The following NKAIN2 variants were observed in gnomAD, a reference collection of about 807,000 sequenced individuals.
NKAIN2 encodes sodium/potassium-transporting ATPase subunit beta-1-interacting protein 2.
Under a neutral mutation model 32.6 loss-of-function variants are expected in NKAIN2, and 14 were observed. The ratio of observed to expected loss-of-function variants is 0.43; its 90% CI spans 0.28 to 0.67. The LOEUF (loss-of-function observed/expected upper bound fraction) is 0.67, where lower values mean the gene tolerates loss of function less well. Ranked by LOEUF, NKAIN2 falls within the 30% of genes least tolerant of loss-of-function variation. The pLI is 0.17. For missense variants in NKAIN2, 198 were observed against 258.3 expected (o/e 0.77, Z 1.60); for synonymous variants, 80 against 87.2 (o/e 0.92, Z 0.46).
At chr6:124,741,806 C>T (rs1025276924) in intron 4 of NKAIN2, among the ~76,000 whole-genome samples, 21 of 151,818 alleles carry the variant, frequency 1.4e-4, no homozygotes, top group African/African-American at 4.8e-4. Flanking sequence ...TCATGGGTTT[C>T]AATGTGTAAG....
intron 1 of NKAIN2, among the ~76,000 whole-genome samples, chr6:124,157,533 AC>A (rs1788054618): frequency 6.6e-6 from 1 of 152,028 alleles, no homozygotes; most frequent in Non-Finnish European, 1.5e-5. Flanking sequence ...AAATTAAAAA[AC>A]CTCAACCTCT....
chr6:124,462,981 A>C (rs1200934035), intron 3 of NKAIN2, among the ~76,000 whole-genome samples: 1 of 152,226 alleles, frequency 6.6e-6, no homozygotes, highest in Non-Finnish European at 1.5e-5. Flanking sequence ...CTGAAATGTG[A>C]GAAAATAAAG....
chr6:124,131,996 G>T (rs1365005563), intron 1 of NKAIN2, among the ~76,000 whole-genome samples: 1 of 152,178 alleles, frequency 6.6e-6, no homozygotes, highest in Non-Finnish European at 1.5e-5. Context: ...TGCTTTCTCA[G>T]AAGGGAAGCT....
intron 1 of NKAIN2, among the ~76,000 whole-genome samples, chr6:123,915,491 G>A (rs1007078833): frequency 1.3e-5 from 2 of 152,138 alleles, no homozygotes; most frequent in Non-Finnish European, 2.9e-5. Context: ...ATGACCTAGA[G>A]AGTGGTAAGT....
intron 3 of NKAIN2, among the ~76,000 whole-genome samples, chr6:124,624,047 G>GT (rs1220238853): frequency 1.3e-5 from 2 of 152,128 alleles, no homozygotes; most frequent in African/African-American, 4.8e-5. Context: ...GACAAAAGTA[G>GT]TATTCCTGTT....
At chr6:124,254,667 A>G (rs1035731858) in intron 1 of NKAIN2, among the ~76,000 whole-genome samples, 2 of 152,200 alleles carry the variant, frequency 1.3e-5, no homozygotes, top group African/African-American at 4.8e-5. Flanking sequence ...ACATTACTTC[A>G]TCATTAAAAC....
At chr6:124,164,392 C>T (rs780928792) in intron 1 of NKAIN2, among the ~76,000 whole-genome samples, 1 of 152,040 alleles carries the variant, frequency 6.6e-6, no homozygotes, top group Non-Finnish European at 1.5e-5. Flanking sequence ...ACACAGAGTA[C>T]TTCCTCCAAG....
At chr6:124,590,147 ATG>A (rs1275921182) in intron 3 of NKAIN2, among the ~76,000 whole-genome samples, 1 of 152,146 alleles carries the variant, frequency 6.6e-6, no homozygotes, top group Non-Finnish European at 1.5e-5. Flanking sequence ...GTCACTAATT[ATG>A]TTAAATAATG....
chr6:124,394,327 C>G (rs1237488674), intron 3 of NKAIN2, among the ~76,000 whole-genome samples: 1 of 152,066 alleles, frequency 6.6e-6, no homozygotes, highest in Non-Finnish European at 1.5e-5. Context: ...TCAATGTCTT[C>G]ACTCTTTTTC....
At chr6:124,434,164 T>C (rs1775339869) in intron 3 of NKAIN2, among the ~76,000 whole-genome samples, 1 of 152,188 alleles carries the variant, frequency 6.6e-6, no homozygotes, top group African/African-American at 2.4e-5. Context: ...GGACTCAGCA[T>C]AGGCCTAGCA....
rs553892151 is a variant in NKAIN2, at chr6:123,975,921, C to T, written c.54+171667C>T. On this transcript the variant is annotated intron_variant, in intron 1 of 6. Transcript: ENST00000368417. Reference sequence around the variant, plus strand: ...TGTAGCTCACACAATTCCTACATGTCGCGGGAGGGACCCCGTGGGAGGTAA... The same window carrying T: ...TGTAGCTCACACAATTCCTACATGTTGCGGGAGGGACCCCGTGGGAGGTAA... 7.9e-5 allele frequency among the ~76,000 whole-genome samples: 12 copies of T among 152,012 alleles called. No homozygotes were observed. The East Asian group carries it at 1.2e-3, about 15-fold the overall frequency.
chr6:123,911,785 A>ATGTATATATATATGTATATATATATATG lies in NKAIN2; in HGVS notation c.54+107532_54+107533insGTATATATATATGTATATATATATATGT, dbSNP rs565117284. Among the ~76,000 whole-genome samples the ATGTATATATATATGTATATATATATATG allele has an allele frequency of 1.3e-3, 120 of 89,664 alleles. 10 individuals are homozygous for ATGTATATATATATGTATATATATATATG. The highest frequency in any genetic ancestry group is 5.3e-3 in the Middle Eastern group (1 of 190). 58.8% of individuals were successfully genotyped at this position (89,664 alleles called of 152,430 possible). A position where few individuals can be genotyped will look rare whatever the true frequency, so the allele number is the denominator to read the frequency against. On this transcript the variant is annotated intron_variant, in intron 1 of 6. Transcript: ENST00000368417. ...TAGTCGTATATATACATACATACATATATATATATATATATGTATATATAT... is the reference window on the plus strand; with the variant it reads ...TAGTCGTATATATACATACATACATATGTATATATATATGTATATATATATATGTATATATATATATATGTATATATAT...
intron 2 of NKAIN2, among the ~76,000 whole-genome samples, chr6:124,350,621 G>A (rs966622052): frequency 6.6e-6 from 1 of 152,142 alleles, no homozygotes; most frequent in Non-Finnish European, 1.5e-5. Context: ...CAGTGTTTTT[G>A]GCAAATCTGT....
chr6:124,238,796 A>T (rs2114763218), intron 1 of NKAIN2, among the ~76,000 whole-genome samples: 1 of 152,340 alleles, frequency 6.6e-6, no homozygotes, highest in Middle Eastern at 3.4e-3. Flanking sequence ...TATGGAAAGG[A>T]AAAACTGGGA....
chr6:123,833,628 C>T (rs185173251), intron 1 of NKAIN2, among the ~76,000 whole-genome samples: 16 of 147,156 alleles, frequency 1.1e-4, no homozygotes, highest in Admixed American at 2.7e-4. Context: ...TTTTGTATAT[C>T]TTTTATAGAT....
chr6:124,191,925 A>G (rs1790039533), intron 1 of NKAIN2, among the ~76,000 whole-genome samples: 1 of 150,804 alleles, frequency 6.6e-6, no homozygotes, highest in Non-Finnish European at 1.5e-5. Flanking sequence ...GTAATATCTT[A>G]TCCTTTTCAT....
Position 124,809,182 on chromosome 6 carries a change from C to A in NKAIN2, c.536-9205C>A, listed in dbSNP as rs533277204. Among the ~76,000 whole-genome samples, 432 of 152,086 alleles carry A rather than the reference C, an allele frequency of 2.8e-3. 2 individuals carry two copies. The highest frequency in any genetic ancestry group is 4.8e-3 in the Non-Finnish European group (329 of 67,984). ...AAGAGCCTGCATCGCCAAGTCAATC[C>A]TAAGCCAAAAGAACAAAGCTGGAGG... On this transcript the variant is annotated intron_variant, in intron 5 of 6. Coordinates refer to ENST00000368417, the MANE Select transcript of NKAIN2 (RefSeq NM_001040214.3).
chr6:124,549,735 C>T (rs767361707), intron 3 of NKAIN2, among the ~76,000 whole-genome samples: 13 of 152,154 alleles, frequency 8.5e-5, no homozygotes, highest in Non-Finnish European at 1.6e-4. Flanking sequence ...TTGCAGAATG[C>T]TCCTTGGATT....
At chr6:124,632,443 A>C (rs536298471) in intron 3 of NKAIN2, among the ~76,000 whole-genome samples, 1 of 152,128 alleles carries the variant, frequency 6.6e-6, no homozygotes, top group African/African-American at 2.4e-5. Context: ...TCATCTTGCT[A>C]CCATTGCAAC....
Sources: gnomAD v4.1 joint callset for allele counts (sites outside exome capture counted in the v4.1 genomes callset) on GRCh38, gnomAD v4.1.1 for gene constraint, MANE v1.5 for transcripts, NCBI Gene and HGNC (gene_info 2026-07-23, HGNC 2026-07-21) for gene names.